The following RAB28 variants were observed in gnomAD, a reference collection of about 807,000 sequenced individuals.
The protein encoded by RAB28 is ras-related protein Rab-28.
In RAB28, 24 loss-of-function variants were observed where a neutral mutation model predicts 31.7. That is an observed-to-expected ratio of 0.76 (90% CI 0.55 to 1.06). RAB28 has a LOEUF of 1.06. Ranked by LOEUF, RAB28 falls within the 50% of genes least tolerant of loss-of-function variation. RAB28 has a pLI of 0.00. For missense variants in RAB28, 254 were observed against 258.5 expected, an observed-to-expected ratio of 0.98 and a Z score of 0.12; for synonymous variants, 100 against 90.4, an observed-to-expected ratio of 1.11 and a Z score of -0.60.
intron 4 of RAB28, among the ~76,000 whole-genome samples, chr4:13,443,741 T>C (rs1483433605): frequency 1.3e-5 from 2 of 152,220 alleles, no homozygotes; most frequent in Non-Finnish European, 2.9e-5. Flanking sequence ...TTCATGTCTA[T>C]GTTTCTATTA....
intron 6 of RAB28, chr4:13,371,114 T>C (rs990442223): frequency 1.5e-5 from 15 of 985,224 alleles, no homozygotes; most frequent in Non-Finnish European, 1.8e-5. Context: ...AAAGATCCTA[T>C]AAACAATCGA....
intron 4 of RAB28, among the ~76,000 whole-genome samples, chr4:13,391,564 C>T (rs1271477860): frequency 3.3e-5 from 5 of 152,116 alleles, no homozygotes; most frequent in African/African-American, 9.7e-5. Flanking sequence ...GCTATATACC[C>T]AAAGGATTAT....
intron 6 of RAB28, chr4:13,371,592 C>T: frequency 1.0e-6 from 1 of 985,264 alleles, no homozygotes; most frequent in Non-Finnish European, 1.2e-6. Flanking sequence ...GGGGCTTTGA[C>T]TCTTTGACAT....
rs1728575024 is a variant in RAB28, at chr4:13,368,044, A to G, written c.*514T>C. ...TTACAGGCTTATTTCAAGCATTTTC[A>G]GTTAGAAACAGCTTTATATACTTTT... is the stretch of plus-strand genomic sequence containing the variant. On this transcript the variant is annotated 3_prime_UTR_variant, in exon 7 of 7. Coordinates refer to ENST00000330852, the MANE Select transcript of RAB28 (RefSeq NM_001017979.3). 4 of 974,558 alleles carry G rather than the reference A, an allele frequency of 4.1e-6. No homozygotes were observed. The highest frequency in any genetic ancestry group is 6.2e-5 in the Admixed American group (1 of 16,258). 60.4% of individuals were successfully genotyped at this position (974,558 alleles called of 1,614,324 possible).
chr4:13,452,833 T>A (rs1388604938), intron 4 of RAB28, among the ~76,000 whole-genome samples: 1 of 152,084 alleles, frequency 6.6e-6, no homozygotes, highest in East Asian at 1.9e-4. Flanking sequence ...TTGTTGATTT[T>A]CTGTTTAGGT....
intron 2 of RAB28, among the ~76,000 whole-genome samples, chr4:13,476,188 T>C (rs1298880661): frequency 4.6e-5 from 7 of 151,650 alleles, no homozygotes; most frequent in African/African-American, 1.7e-4. Context: ...TTGTGAACAC[T>C]TTGACTGTAA....
At chr4:13,448,598 TTTGA>T (rs1714815084) in intron 4 of RAB28, among the ~76,000 whole-genome samples, 1 of 152,002 alleles carries the variant, frequency 6.6e-6, no homozygotes, top group Admixed American at 6.5e-5. Flanking sequence ...AAAAACAGTT[TTTGA>T]TTGATATTAT....
chr4:13,369,878 A>G (rs1728651023), intron 6 of RAB28: 1 of 1,609,666 alleles, frequency 6.2e-7, no homozygotes, highest in South Asian at 1.1e-5. Flanking sequence ...TACCTGCACT[A>G]CTGTACTGAA....
chr4:13,481,656 G>A (rs1172995242), intron 1 of RAB28, among the ~76,000 whole-genome samples: 1 of 151,884 alleles, frequency 6.6e-6, no homozygotes, highest in South Asian at 2.1e-4. Context: ...GCTCTTAAGA[G>A]ACTATGTAAT....
At chr4:13,375,892 T>C (rs1577149382) in intron 6 of RAB28, among the ~76,000 whole-genome samples, 1 of 152,124 alleles carries the variant, frequency 6.6e-6, no homozygotes, top group East Asian at 1.9e-4. Context: ...ACTTTTTTAG[T>C]TGCACAGGGT....
intron 4 of RAB28, among the ~76,000 whole-genome samples, chr4:13,436,371 G>GA (rs1020531433): frequency 1.3e-5 from 2 of 151,962 alleles, no homozygotes; most frequent in African/African-American, 4.8e-5. Context: ...TCAGACAAGA[G>GA]AAAAAAATAA....
Position 13,467,327 on chromosome 4 carries a change from C to G in RAB28, c.262-6499G>C, listed in dbSNP as rs144226323. 2.5e-3 allele frequency among the ~76,000 whole-genome samples: 372 copies of G among 150,918 alleles called. 2 individuals carry two copies. Among genetic ancestry groups the G allele is most frequent in the African/African-American group, 8.6e-3 (353 of 41,160 alleles). Reference sequence around the variant, plus strand: ...ACTTCCAGTTTACAATAAAATTTAACATTTTTTAAATAAAATCATACAGGA... The same window carrying G: ...ACTTCCAGTTTACAATAAAATTTAAGATTTTTTAAATAAAATCATACAGGA... On this transcript the variant is annotated intron_variant, in intron 3 of 6. Transcript: ENST00000330852.
At position 13,377,042 on chromosome 4, in the gene RAB28, A is replaced by G. The variant is rs549737313; in HGVS notation, c.496-420T>C. Among the ~76,000 whole-genome samples, 3 of 152,250 alleles carry G rather than the reference A, an allele frequency of 2.0e-5. No individual in the cohort carries two copies. The South Asian group carries it at 6.2e-4, about 32-fold the overall frequency. On this transcript the variant is annotated intron_variant, in intron 5 of 6. Transcript: ENST00000330852. ...TGGTCCTTTTAGCCACCTTTGGCCT[A>G]TCTCAAAAGGTCTTAGTTTCTAACA...
chr4:13,371,846 A>C (rs1728725507), intron 6 of RAB28: 1 of 1,546,322 alleles, frequency 6.5e-7, no homozygotes, highest in Non-Finnish European at 8.8e-7. Flanking sequence ...TTAGTTGATG[A>C]AATGAAAATA....
At chr4:13,458,639 A>G (rs1440224307) in intron 4 of RAB28, among the ~76,000 whole-genome samples, 1 of 152,216 alleles carries the variant, frequency 6.6e-6, no homozygotes, top group Non-Finnish European at 1.5e-5. Context: ...CAATGTTTCT[A>G]TCAACAACGG....
intron 4 of RAB28, among the ~76,000 whole-genome samples, chr4:13,394,306 G>A (rs1019720012): frequency 6.6e-6 from 1 of 152,148 alleles, no homozygotes; most frequent in Non-Finnish European, 1.5e-5. Context: ...GGGTAAAACT[G>A]CTTCATCTCA....
chr4:13,388,697 C>A (rs1729493922), intron 4 of RAB28, among the ~76,000 whole-genome samples: 1 of 151,740 alleles, frequency 6.6e-6, no homozygotes, highest in Admixed American at 6.6e-5. Context: ...TACAAATAAG[C>A]AAAAGGCTTG....
At chr4:13,437,224 T>C (rs1390206312) in intron 4 of RAB28, among the ~76,000 whole-genome samples, 1 of 152,116 alleles carries the variant, frequency 6.6e-6, no homozygotes, top group Non-Finnish European at 1.5e-5. Flanking sequence ...CAAGATGGGT[T>C]AAAGACTTAA....
At chr4:13,476,568 A>G (rs898833886) in intron 2 of RAB28, among the ~76,000 whole-genome samples, 4 of 151,576 alleles carry the variant, frequency 2.6e-5, no homozygotes, top group Admixed American at 2.6e-4. Flanking sequence ...ACATAAAACT[A>G]AAAATAAAAT....
Sources: gnomAD v4.1 joint callset for allele counts (sites outside exome capture counted in the v4.1 genomes callset) on GRCh38, gnomAD v4.1.1 for gene constraint, MANE v1.5 for transcripts, NCBI Gene and HGNC (gene_info 2026-07-23, HGNC 2026-07-21) for gene names.